Variants in MCF2L observed in about 807,000 individuals in gnomAD.
MCF2L encodes MCF.2 cell line derived transforming sequence like, also known as guanine nucleotide exchange factor DBS.
In MCF2L, 97 loss-of-function variants were observed where a neutral mutation model predicts 153.4. The ratio of observed to expected loss-of-function variants is 0.63; its 90% CI spans 0.54 to 0.75. MCF2L has a LOEUF of 0.75. Ranked by LOEUF, MCF2L falls within the 30% of genes least tolerant of loss-of-function variation. The probability of loss-of-function intolerance (pLI) is 0.00; values close to 1 mark genes in which losing one functional copy is unlikely to be tolerated. For synonymous variants in MCF2L, 659 were observed against 632.2 expected (o/e 1.04, Z -0.64); for missense variants, 1,347 against 1,495.2 (o/e 0.90, Z 1.64).
chr13:113,095,441 G>T lies in MCF2L; in HGVS notation c.3075+806G>T, dbSNP rs565780214. The T allele has an allele frequency of 1.5e-5, 16 of 1,083,626 alleles. No individual in the cohort carries two copies. The East Asian group carries it at 1.2e-3, about 84-fold the overall frequency. 67.1% of individuals were successfully genotyped at this position (1,083,626 alleles called of 1,614,324 possible). ...GAGGCGGAGGCCACGTGGCAGGAGGGGAAACAGGCTGGTGGAACAGGGTGC... is the reference window on the plus strand; with the variant it reads ...GAGGCGGAGGCCACGTGGCAGGAGGTGAAACAGGCTGGTGGAACAGGGTGC... On this transcript the variant is annotated intron_variant, in intron 27 of 29. Coordinates refer to ENST00000535094, the MANE Select transcript of MCF2L (RefSeq NM_001112732.3).
chr13:113,033,305 G>GCCCCCATGA (rs2085887643), intron 3 of MCF2L, among the ~76,000 whole-genome samples: 2 of 57,812 alleles, frequency 3.5e-5, no homozygotes, highest in Admixed American at 2.0e-4. Context: ...GGACCCCGTG[G>GCCCCCATGA]CGTGAGTGGC....
intron 3 of MCF2L, chr13:113,044,663 C>T (rs2086692006): frequency 6.2e-7 from 1 of 1,611,878 alleles, no homozygotes; most frequent in Non-Finnish European, 8.5e-7. Context: ...GCTTCTACTA[C>T]CAGGCTCATC....
At chr13:112,985,148 G>C in intron 1 of MCF2L, 1 of 289,576 alleles carries the variant, frequency 3.5e-6, no homozygotes, top group South Asian at 3.0e-5. Flanking sequence ...GGGCGGGCAC[G>C]GTGTGTCGCC....
chr13:113,083,440 C>T lies in MCF2L; in HGVS notation c.1992-558C>T, dbSNP rs144544855. Among the ~76,000 whole-genome samples, 513 of 152,346 alleles carry T rather than the reference C, an allele frequency of 3.4e-3. 4 individuals carry two copies. Among genetic ancestry groups the T allele is most frequent in the African/African-American group, 0.012 (487 of 41,580 alleles). On this transcript the variant is annotated intron_variant, in intron 17 of 29. Transcript: ENST00000535094. ...CTTAGTGTCCCTTAGTATCTGTCCT[C>T]ATGGCCCCCAGGGTCTCAGCCAGTC... is the stretch of plus-strand genomic sequence containing the variant.
chr13:113,033,989 C>T (rs996923919), intron 3 of MCF2L: 1 of 167,138 alleles, frequency 6.0e-6, no homozygotes, highest in East Asian at 1.9e-4. Flanking sequence ...GAGGTCCTCT[C>T]CCCGCACCTT....
At chr13:113,091,266 T>A (rs2035184727) in intron 26 of MCF2L, 1 of 1,276,164 alleles carries the variant, frequency 7.8e-7, no homozygotes, top group South Asian at 1.3e-5. Flanking sequence ...GGCTGTCAGG[T>A]GGCCGTCAAG....
At chr13:112,914,567 T>C (rs1447714212) in intron 2 of MCF2L, among the ~76,000 whole-genome samples, 2 of 152,228 alleles carry the variant, frequency 1.3e-5, no homozygotes, top group Non-Finnish European at 2.9e-5. Flanking sequence ...ACTCGCTCTG[T>C]GAGCCACGTG....
At chr13:113,055,616 C>G (rs1312589114) in intron 4 of MCF2L, among the ~76,000 whole-genome samples, 1 of 152,194 alleles carries the variant, frequency 6.6e-6, no homozygotes, top group Non-Finnish European at 1.5e-5. Flanking sequence ...TCAGTCCGCC[C>G]CTTGCTGAGA....
At chr13:113,043,467 G>GAGGGC in intron 3 of MCF2L, 1 of 152,490 alleles carries the variant, frequency 6.6e-6, no homozygotes, top group Middle Eastern at 3.4e-3. Context: ...GGGCAAGAGG[G>GAGGGC]AGGGCAGCTG....
intron 2 of MCF2L, among the ~76,000 whole-genome samples, chr13:113,023,084 A>C (rs929438762): frequency 2.0e-5 from 3 of 152,156 alleles, no homozygotes; most frequent in African/African-American, 7.2e-5. Flanking sequence ...GCTTCCTTAG[A>C]ATGCAGCATT....
chr13:112,969,186 G>T (rs1195679953), upstream of MCF2L: 13 of 853,674 alleles, frequency 1.5e-5, no homozygotes, highest in Admixed American at 4.1e-4. This position sits in a 1 kb window ranked among gnomAD's most constrained non-coding sequence, Gnocchi z 4.8. Context: ...GCCCCCCGCG[G>T]CGCAGCGCGC....
At chr13:112,991,195 C>T (rs142860108) in intron 1 of MCF2L, among the ~76,000 whole-genome samples, 23 of 152,314 alleles carry the variant, frequency 1.5e-4, no homozygotes, top group African/African-American at 4.6e-4. Flanking sequence ...GAAATCCGGC[C>T]GCCTGCCACC....
At chr13:113,015,889 G>A (rs1330800161) in intron 2 of MCF2L, among the ~76,000 whole-genome samples, 2 of 152,198 alleles carry the variant, frequency 1.3e-5, no homozygotes, top group Non-Finnish European at 2.9e-5. Flanking sequence ...GACCAGGCGT[G>A]GTGATGGCTC....
chr13:112,916,025 C>T (rs1352442158), intron 2 of MCF2L, among the ~76,000 whole-genome samples: 3 of 148,696 alleles, frequency 2.0e-5, no homozygotes, highest in South Asian at 2.2e-4. Flanking sequence ...GGTGAAACCC[C>T]GTCTCTACTA....
chr13:112,953,475 C>T (rs1282178322), intron 2 of MCF2L, among the ~76,000 whole-genome samples: 6 of 152,318 alleles, frequency 3.9e-5, no homozygotes, highest in East Asian at 1.9e-4. Flanking sequence ...CCGGTATGCA[C>T]GGAGCCACAG....
intron 5 of MCF2L, among the ~76,000 whole-genome samples, chr13:113,063,224 C>T (rs537819324): frequency 3.3e-5 from 5 of 152,190 alleles, no homozygotes; most frequent in African/African-American, 1.2e-4. Context: ...GGCTGGCCTG[C>T]GGGCGAGTGG....
At chr13:113,006,659 G>A (rs2083716678) in intron 1 of MCF2L, among the ~76,000 whole-genome samples, 1 of 152,244 alleles carries the variant, frequency 6.6e-6, no homozygotes, top group Admixed American at 6.5e-5. Flanking sequence ...GAGAAAGGGA[G>A]ACGTGTGCAT....
chr13:113,015,195 G>A (rs1253117156), intron 2 of MCF2L, among the ~76,000 whole-genome samples: 1 of 152,204 alleles, frequency 6.6e-6, no homozygotes, highest in Non-Finnish European at 1.5e-5. Flanking sequence ...TGCTGCATCT[G>A]GGCACCTCCC....
intron 1 of MCF2L, among the ~76,000 whole-genome samples, chr13:112,898,530 C>T (rs900123537): frequency 6.6e-6 from 1 of 152,136 alleles, no homozygotes; most frequent in Non-Finnish European, 1.5e-5. Context: ...CTGCCAGACA[C>T]GGCAGCAGCA....
Sources: allele counts gnomAD v4.1 joint callset (sites outside exome capture counted in the v4.1 genomes callset), GRCh38; gene constraint gnomAD v4.1.1; non-coding constraint Gnocchi (gnomAD v3.1); transcripts MANE v1.5; gene names NCBI Gene and HGNC (gene_info 2026-07-23, HGNC 2026-07-21).